The following EIF4G3 variants were observed in gnomAD, a reference collection of about 807,000 sequenced individuals.
The protein encoded by EIF4G3 is eIF-4-gamma 3.
Under a neutral mutation model 186.4 loss-of-function variants are expected in EIF4G3, and 34 were observed. That is an observed-to-expected ratio of 0.18 (90% confidence interval 0.14 to 0.24). The LOEUF is 0.24. Among genes scored for constraint, EIF4G3 ranks in the 10% least tolerant of loss-of-function variants. EIF4G3 has a pLI of 1.00. For missense variants in EIF4G3, 1,536 were observed against 1,948.5 expected, an observed-to-expected ratio of 0.79 and a Z score of 3.99; for synonymous variants, 673 against 679.5, an observed-to-expected ratio of 0.99 and a Z score of 0.15.
chr1:20,997,845 T>C (rs2082627142), intron 6 of EIF4G3, among the ~76,000 whole-genome samples: 3 of 151,986 alleles, frequency 2.0e-5, no homozygotes, highest in South Asian at 2.1e-4. Flanking sequence ...TCAGAATAGT[T>C]TGTCATTTAT....
At chr1:20,923,637 T>C (rs1177729873) in intron 14 of EIF4G3, among the ~76,000 whole-genome samples, 2 of 151,280 alleles carry the variant, frequency 1.3e-5, no homozygotes, top group East Asian at 1.9e-4. Flanking sequence ...TAACTCTAGA[T>C]GGAAAAAAAA....
intron 4 of EIF4G3, among the ~76,000 whole-genome samples, chr1:21,018,923 CTT>C (rs138213734): frequency 9.3e-4 from 137 of 146,736 alleles, no homozygotes; most frequent in Non-Finnish European, 1.5e-3. Context: ...TAATAAAGCT[CTT>C]TTTTTTTTTT....
chr1:20,851,429 T>C lies in EIF4G3; in HGVS notation c.3601A>G (p.Thr1201Ala). 6.2e-7 allele frequency: 1 copy of C among 1,614,192 alleles called. No individual in the cohort carries two copies. Among genetic ancestry groups the C allele is most frequent in the East Asian group, 2.2e-5 (1 of 44,886 alleles). Reference protein sequence around the residue: ...EKNDKPLPSATARPNTFMRGG... With the variant: ...EKNDKPLPSAAARPNTFMRGG... ...CTCATGAAAGTATTTGGCCGAGCTG[T>C]TGCAGATGGAAGGGGCTTGTCATTC... The change falls in exon 28 of 37, where the codon ACA becomes GCA. Residue 1201 changes from threonine (T) to alanine (A), a missense_variant. Thr to Ala is a moderately conservative substitution (Grantham distance 58). Transcript: ENST00000602326.
At chr1:21,018,811 C>T (rs1277600309) in intron 4 of EIF4G3, among the ~76,000 whole-genome samples, 1 of 152,046 alleles carries the variant, frequency 6.6e-6, no homozygotes, top group African/African-American at 2.4e-5. Flanking sequence ...AACACACCTC[C>T]CCCTCACCTT....
chr1:20,928,756 T>C lies in EIF4G3; in HGVS notation c.1663+12735A>G, dbSNP rs1238087985. ...GACATATAATTTACGTATCATAAAA[T>C]TAACCTTTTAAAACTATACAATTTA... On this transcript the variant is annotated intron_variant, in intron 14 of 36. Transcript: ENST00000602326. Among the ~76,000 whole-genome samples, 3 of 152,278 alleles carry C rather than the reference T, an allele frequency of 2.0e-5. No homozygotes were observed. In the East Asian group the frequency reaches 5.8e-4, roughly 29 times the overall value.
In EIF4G3 at chr1:20,942,386, G is replaced by A. The variant is rs562889428; in HGVS notation, c.824-56C>T. On this transcript the variant is annotated intron_variant, in intron 13 of 36. Transcript: ENST00000602326. ...ATTCTTGGATCAGAGACTACATATT[G>A]CCTTGGGCCAATTCTTTCAATGTCT... 25 of 1,497,844 alleles carry A rather than the reference G, an allele frequency of 1.7e-5. No homozygotes were observed. In the South Asian group the frequency reaches 2.0e-4, roughly 12 times the overall value. 92.8% of individuals were successfully genotyped at this position (1,497,844 alleles called of 1,614,324 possible).
In EIF4G3 at chr1:20,817,273, TAAATAAAAAAAAATAA is replaced by T. The variant is rs1238899941; in HGVS notation, c.4515+103_4515+118del. 31 of 332,724 alleles carry T rather than the reference TAAATAAAAAAAAATAA, an allele frequency of 9.3e-5. 3 individuals carry two copies. The highest frequency in any genetic ancestry group is 4.7e-4 in the South Asian group (3 of 6,428). 20.6% of individuals were successfully genotyped at this position (332,724 alleles called of 1,614,324 possible). A position where few individuals can be genotyped will look rare whatever the true frequency, so the allele number is the denominator to read the frequency against. On this transcript the variant is annotated intron_variant, in intron 34 of 36. Transcript: ENST00000602326. ...AAAAATAAATAAATAAAAAAATAAA[TAAATAAAAAAAAATAA>T]AAATAAAAATTCATGAAGTGAACTG...
intron 12 of EIF4G3, among the ~76,000 whole-genome samples, chr1:20,966,416 T>C (rs1405971860): frequency 3.3e-5 from 5 of 152,166 alleles, no homozygotes; most frequent in East Asian, 3.8e-4. Flanking sequence ...TATTTATAAC[T>C]TGCAGCTTTT....
chr1:20,969,693 G>T, intron 11 of EIF4G3, 97 bp from the exon 12 acceptor site: 1 of 1,156,452 alleles, frequency 8.6e-7, no homozygotes, highest in Non-Finnish European at 1.2e-6. Flanking sequence ...TGGGAAACCT[G>T]TCAAATATCA....
At chr1:20,882,481 C>T (rs1386017033) in intron 19 of EIF4G3, among the ~76,000 whole-genome samples, 1 of 151,592 alleles carries the variant, frequency 6.6e-6, no homozygotes, top group Non-Finnish European at 1.5e-5. Context: ...ATTAGCCGGG[C>T]ATGGTGGGGC....
intron 4 of EIF4G3, among the ~76,000 whole-genome samples, chr1:21,032,165 C>T (rs2092800778): frequency 6.6e-6 from 1 of 152,166 alleles, no homozygotes; most frequent in South Asian, 2.1e-4. Context: ...CTACTATATC[C>T]ATTAACGCTG....
At chr1:21,151,608 A>G (rs887361764) in intron 2 of EIF4G3, among the ~76,000 whole-genome samples, 1 of 152,004 alleles carries the variant, frequency 6.6e-6, no homozygotes, top group Non-Finnish European at 1.5e-5. Context: ...CTAGGCCTTC[A>G]GCATGTTTCA....
At chr1:21,153,945 T>C (rs1344704673) in intron 2 of EIF4G3, among the ~76,000 whole-genome samples, 2 of 152,056 alleles carry the variant, frequency 1.3e-5, no homozygotes, top group Non-Finnish European at 2.9e-5. Flanking sequence ...GAACATGCTG[T>C]TGGGTTTCAC....
At chr1:20,976,205 T>C (rs537279755) in intron 10 of EIF4G3, among the ~76,000 whole-genome samples, 2 of 152,108 alleles carry the variant, frequency 1.3e-5, no homozygotes, top group Non-Finnish European at 2.9e-5. Context: ...CTTTAAGTTT[T>C]AGGGTACATG....
At chr1:21,163,727 C>T (rs765948909) in intron 2 of EIF4G3, among the ~76,000 whole-genome samples, 1 of 152,098 alleles carries the variant, frequency 6.6e-6, no homozygotes, top group Non-Finnish European at 1.5e-5. Context: ...AAGAATCCTG[C>T]TAAACAAGAG....
chr1:20,871,703 T>G (rs2079236199), intron 20 of EIF4G3, among the ~76,000 whole-genome samples: 1 of 152,234 alleles, frequency 6.6e-6, no homozygotes, highest in Non-Finnish European at 1.5e-5. Flanking sequence ...AATCTGCTTA[T>G]GCCAGCATTG....
intron 12 of EIF4G3, among the ~76,000 whole-genome samples, chr1:20,959,580 A>C (rs2096524737): frequency 6.6e-6 from 1 of 151,460 alleles, no homozygotes; most frequent in African/African-American, 2.4e-5. Context: ...GAAACAATAG[A>C]GTAAAAAGAC....
intron 28 of EIF4G3, among the ~76,000 whole-genome samples, chr1:20,850,118 T>C (rs564832216): frequency 6.6e-6 from 1 of 152,310 alleles, no homozygotes; most frequent in East Asian, 1.9e-4. Flanking sequence ...CCTTCCTTCA[T>C]AGCACCTTTC....
intron 7 of EIF4G3, among the ~76,000 whole-genome samples, chr1:20,993,219 G>A (rs373105913): frequency 2.6e-5 from 4 of 152,144 alleles, no homozygotes; most frequent in South Asian, 4.1e-4. Context: ...CACTTGATTT[G>A]TGGGGACTCA....
Sources: allele counts gnomAD v4.1 joint callset (sites outside exome capture counted in the v4.1 genomes callset), GRCh38; gene constraint gnomAD v4.1.1; transcripts MANE v1.5; gene names NCBI Gene and HGNC (gene_info 2026-07-23, HGNC 2026-07-21).